Variants in ATP8A2 observed in about 807,000 individuals in gnomAD.
ATP8A2 encodes phospholipid-transporting ATPase IB.
Under a neutral mutation model 165.6 loss-of-function variants are expected in ATP8A2, and 100 were observed. The observed-to-expected ratio is 0.60, with a 90% CI of 0.51 to 0.71. ATP8A2 has a LOEUF of 0.71. Among genes scored for constraint, ATP8A2 ranks in the 30% least tolerant of loss-of-function variants. ATP8A2 has a pLI of 0.00. For missense variants in ATP8A2, 1,227 were observed against 1,479.5 expected (o/e 0.83, Z 2.80); for synonymous variants, 543 against 548.8 (o/e 0.99, Z 0.15).
chr13:25,661,880 C>T (rs1373776717), intron 24 of ATP8A2, among the ~76,000 whole-genome samples: 1 of 152,132 alleles, frequency 6.6e-6, no homozygotes, highest in Non-Finnish European at 1.5e-5. Flanking sequence ...TTATGGGAAG[C>T]TGTGATTTAT....
intron 2 of ATP8A2, among the ~76,000 whole-genome samples, chr13:25,486,144 T>A (rs1030336770): frequency 1.3e-5 from 2 of 152,190 alleles, no homozygotes; most frequent in Admixed American, 6.5e-5. Flanking sequence ...TATGGTCCCT[T>A]TGCTAGTATT....
At chr13:25,875,414 A>G (rs939601035) in intron 33 of ATP8A2, among the ~76,000 whole-genome samples, 5 of 151,842 alleles carry the variant, frequency 3.3e-5, no homozygotes, top group African/African-American at 1.2e-4. Flanking sequence ...GGAATTCATA[A>G]CATTGAACAA....
intron 25 of ATP8A2, among the ~76,000 whole-genome samples, chr13:25,702,995 C>T (rs1187429946): frequency 6.6e-6 from 1 of 152,148 alleles, no homozygotes; most frequent in Non-Finnish European, 1.5e-5. Flanking sequence ...TTTAATGTGT[C>T]GGATGGCCTC....
intron 2 of ATP8A2, among the ~76,000 whole-genome samples, chr13:25,512,571 C>A (rs1359685356): frequency 6.7e-6 from 1 of 148,664 alleles, no homozygotes; most frequent in Non-Finnish European, 1.5e-5. Flanking sequence ...TCCTCACTTC[C>A]CAGTAGGGGC....
rs984800165 is a variant in ATP8A2 at position 25,656,767 on chromosome 13, C to T, written c.2212-42406C>T. 2.6e-3 allele frequency among the ~76,000 whole-genome samples: 392 copies of T among 148,134 alleles called. 3 individuals are homozygous for T. Among genetic ancestry groups the T allele is most frequent in the African/African-American group, 9.5e-3 (384 of 40,268 alleles). On this transcript the variant is annotated intron_variant, in intron 24 of 36. Coordinates refer to ENST00000381655, the MANE Select transcript of ATP8A2 (RefSeq NM_016529.6). ...AAAAAAAAAAAAAAAGATATATTTT[C>T]TTCAGCTGGGTGTGGTGGCTCACAC...
Position 25,372,135 on chromosome 13 carries a change from G to C in ATP8A2, c.-78G>C. The C allele has an allele frequency of 1.9e-6, 2 of 1,055,614 alleles. No homozygotes were observed. The highest frequency in any genetic ancestry group is 3.2e-5 in the South Asian group (1 of 31,548). 65.4% of individuals were successfully genotyped at this position (1,055,614 alleles called of 1,614,324 possible). A position where few individuals can be genotyped will look rare whatever the true frequency, so the allele number is the denominator to read the frequency against. On this transcript the variant is annotated 5_prime_UTR_variant, in exon 1 of 37. Transcript: ENST00000381655. This position sits in a 1 kb window ranked among gnomAD's most constrained non-coding sequence, Gnocchi z 4.8. ...GGCGCTGGCCCACCCATGGTCCTCG[G>C]GCGGCGGCCCCTGCGCCCAGCCCTG...
At chr13:25,841,376 A>G (rs1025488771) in intron 30 of ATP8A2, among the ~76,000 whole-genome samples, 3 of 152,148 alleles carry the variant, frequency 2.0e-5, no homozygotes, top group African/African-American at 2.4e-5. Context: ...ATCATCATCA[A>G]TGTCATTATT....
At chr13:26,016,608 C>T (rs534862176) in intron 36 of ATP8A2, among the ~76,000 whole-genome samples, 23 of 152,170 alleles carry the variant, frequency 1.5e-4, no homozygotes, top group Non-Finnish European at 2.6e-4. Flanking sequence ...ATACCTTTCC[C>T]GAAAGGACAC....
chr13:25,518,610 T>G (rs2037556489), intron 2 of ATP8A2, among the ~76,000 whole-genome samples: 1 of 152,182 alleles, frequency 6.6e-6, no homozygotes, highest in African/African-American at 2.4e-5. Context: ...TTGCGTCTTT[T>G]AAATCGGTCT....
intron 16 of ATP8A2, 79 bp downstream of exon 16, chr13:25,564,110 C>G: frequency 9.5e-7 from 1 of 1,052,880 alleles, no homozygotes; most frequent in Admixed American, 1.7e-5. Flanking sequence ...TAGTATTTTG[C>G]AAGTTGCAGT....
chr13:26,025,597 T>C lies in ATP8A2; in HGVS notation c.*5612T>C, dbSNP rs891132376. On this transcript the variant is annotated 3_prime_UTR_variant, in exon 37 of 37. Transcript: ENST00000381655. ...CCCAGCAGCGTGGGGGGTGCTTCTA[T>C]GGTGTGTGGGGTTTTTTGTTGCCTC... The C allele has an allele frequency of 4.6e-5, 7 of 152,348 alleles. No individual in the cohort carries two copies. The highest frequency in any genetic ancestry group is 9.6e-5 in the African/African-American group (4 of 41,564). The allele number at this position is 152,348 out of a possible 1,614,324, so 9.4% of individuals were successfully genotyped here. A position where few individuals can be genotyped will look rare whatever the true frequency, so the allele number is the denominator to read the frequency against.
Position 25,530,637 on chromosome 13 carries a change from A to C in ATP8A2, c.397A>C (p.Ile133Leu), listed in dbSNP as rs371445139. ...GATCATTATTTTAACAATTGCAGGC[A>C]TCAAAGAGATTGTAGAAGATTTTGT... ...PLIIILTIAG[I>L]KEIVEDFKRH... The change falls in exon 4 of 37, where the codon ATC becomes CTC. Residue 133 changes from isoleucine to leucine, a missense_variant. Ile to Leu is a conservative substitution (Grantham distance 5, BLOSUM62 2). This residue lies in a region of ATP8A2 where 356 missense variants were observed against 394.9 expected (regional missense o/e 0.90). Coordinates refer to ENST00000381655, the MANE Select transcript of ATP8A2 (RefSeq NM_016529.6). 3.8e-6 allele frequency: 6 copies of C among 1,589,356 alleles called. No homozygotes were observed. The East Asian group carries it at 9.0e-5, about 24-fold the overall frequency.
intron 33 of ATP8A2, among the ~76,000 whole-genome samples, chr13:25,947,438 G>A (rs1171801425): frequency 2.0e-5 from 3 of 152,230 alleles, no homozygotes; most frequent in East Asian, 1.9e-4. Context: ...GGTGAGGCCC[G>A]CTGTGGGGTG....
chr13:25,867,936 T>A (rs777860638), intron 33 of ATP8A2: 1 of 223,184 alleles, frequency 4.5e-6, no homozygotes, highest in Non-Finnish European at 9.5e-6. Flanking sequence ...GTTTTATTAC[T>A]TTTTATTTGA....
chr13:25,590,496 C>T (rs1281463578), intron 24 of ATP8A2, among the ~76,000 whole-genome samples: 4 of 152,080 alleles, frequency 2.6e-5, no homozygotes, highest in Non-Finnish European at 5.9e-5. Flanking sequence ...CCAATGCTGC[C>T]GCATGAACCC....
intron 2 of ATP8A2, among the ~76,000 whole-genome samples, chr13:25,490,877 G>A (rs2036509814): frequency 1.3e-5 from 2 of 151,808 alleles, no homozygotes; most frequent in South Asian, 4.2e-4. Context: ...AAGTAGCTGG[G>A]AATATAGGCA....
chr13:25,446,246 G>A (rs2035065395), intron 1 of ATP8A2, among the ~76,000 whole-genome samples: 1 of 152,120 alleles, frequency 6.6e-6, no homozygotes, highest in Admixed American at 6.6e-5. Flanking sequence ...TGCTATTTCT[G>A]AATGCATGGC....
intron 19 of ATP8A2, among the ~76,000 whole-genome samples, chr13:25,575,282 A>G (rs1384486880): frequency 6.6e-6 from 1 of 152,238 alleles, no homozygotes; most frequent in Non-Finnish European, 1.5e-5. Context: ...AGATGAGATC[A>G]GTTCATCCCA....
Position 25,498,820 on chromosome 13 carries a change from T to A in ATP8A2, c.221+29699T>A, listed in dbSNP as rs527735008. On this transcript the variant is annotated intron_variant, in intron 2 of 36. Coordinates refer to ENST00000381655, the MANE Select transcript of ATP8A2 (RefSeq NM_016529.6). Reference sequence around the variant, plus strand: ...TTTTGCAGATGATGAAAGTGAGGCATGGACTGATTAAATAACAAGCCTGGG... The same window carrying A: ...TTTTGCAGATGATGAAAGTGAGGCAAGGACTGATTAAATAACAAGCCTGGG... Among the ~76,000 whole-genome samples, 4 of 152,314 alleles carry A rather than the reference T, an allele frequency of 2.6e-5. No individual in the cohort carries two copies. In the East Asian group the frequency reaches 7.7e-4, roughly 29 times the overall value.
Sources: allele counts gnomAD v4.1 joint callset (sites outside exome capture counted in the v4.1 genomes callset), GRCh38; gene constraint gnomAD v4.1.1; regional missense constraint gnomAD v4.1.1; non-coding constraint Gnocchi (gnomAD v3.1); transcripts MANE v1.5; gene names NCBI Gene and HGNC (gene_info 2026-07-23, HGNC 2026-07-21).